AFF2: variants seen among roughly 807,000 people sequenced by gnomAD.
AFF2 encodes the protein AF4/FMR2 family member 2.
In AFF2, 14 loss-of-function variants were observed where a neutral mutation model predicts 76.9. The observed-to-expected ratio is 0.18, with a 90% CI of 0.12 to 0.28. AFF2 has a LOEUF of 0.28. AFF2 is among the 10% of genes least tolerant of loss of function. AFF2 has a pLI of 1.00. For synonymous variants in AFF2, 398 were observed against 366.7 expected, an observed-to-expected ratio of 1.09 and a Z score of -0.98; for missense variants, 868 against 1,001.1, an observed-to-expected ratio of 0.87 and a Z score of 1.79.
chrX:148,629,016 T>A (rs1425348316), intron 1 of AFF2, among the ~76,000 whole-genome samples: 2 of 111,923 alleles, frequency 1.8e-5, no homozygotes, highest in Non-Finnish European at 3.8e-5. Context: ...GTGTATCTCA[T>A]TTTAAAGTAA....
intron 2 of AFF2, among the ~76,000 whole-genome samples, chrX:148,657,374 A>G (rs1013889190): frequency 6.2e-5 from 7 of 112,298 alleles, no homozygotes; most frequent in Non-Finnish European, 1.3e-4. Context: ...ACAAATTACT[A>G]AATCACATGT....
At chrX:148,501,718 T>C (rs1557231897) in intron 1 of AFF2, among the ~76,000 whole-genome samples, 1 of 113,464 alleles carries the variant, frequency 8.8e-6, no homozygotes, top group African/African-American at 3.2e-5. Context: ...GCAGCGGCTT[T>C]GGGGGCCACC....
intron 3 of AFF2, among the ~76,000 whole-genome samples, chrX:148,749,886 T>C (rs781845755): frequency 2.7e-5 from 3 of 111,505 alleles, no homozygotes; most frequent in Non-Finnish European, 5.6e-5. Flanking sequence ...CTTCACCCAC[T>C]GCCTCCTCCT....
intron 3 of AFF2, among the ~76,000 whole-genome samples, chrX:148,722,995 G>A (rs1480583008): frequency 2.7e-5 from 3 of 111,139 alleles, no homozygotes; most frequent in Non-Finnish European, 5.7e-5. Context: ...TTTTTCTCAT[G>A]CTTCATGAGT....
At chrX:148,961,788 A>G (rs1557288044) in intron 12 of AFF2, among the ~76,000 whole-genome samples, 1 of 112,975 alleles carries the variant, frequency 8.9e-6, no homozygotes, top group Non-Finnish European at 1.9e-5. Flanking sequence ...ATTGTAGTCA[A>G]TAATCATGAA....
intron 15 of AFF2, among the ~76,000 whole-genome samples, chrX:148,971,854 T>A (rs1219387381): frequency 4.8e-5 from 2 of 41,562 alleles, no homozygotes; most frequent in Non-Finnish European, 8.4e-5. Flanking sequence ...ACATGTGCCA[T>A]GCTGGTGCGC....
intron 3 of AFF2, among the ~76,000 whole-genome samples, chrX:148,708,629 A>G (rs956354666): frequency 7.1e-5 from 8 of 112,305 alleles, no homozygotes; most frequent in African/African-American, 9.7e-5. Context: ...CAGGAGAATC[A>G]CTTGAACCTG....
At chrX:148,622,356 AAATTCAGGT>A (rs2053878219) in intron 1 of AFF2, among the ~76,000 whole-genome samples, 1 of 111,879 alleles carries the variant, frequency 8.9e-6, no homozygotes, top group African/African-American at 3.2e-5. Flanking sequence ...AAGAGGCTGG[AAATTCAGGT>A]AAGAGTTGAT....
intron 9 of AFF2, among the ~76,000 whole-genome samples, chrX:148,916,693 G>A (rs1557282656): frequency 1.8e-5 from 2 of 111,733 alleles, no homozygotes; most frequent in African/African-American, 6.5e-5. Flanking sequence ...GACCACCGCT[G>A]TATACAAAAT....
intron 7 of AFF2, among the ~76,000 whole-genome samples, chrX:148,851,186 A>T (rs905648404): frequency 8.9e-6 from 1 of 112,099 alleles, no homozygotes; most frequent in Non-Finnish European, 1.9e-5. Context: ...AGAGTTGCTT[A>T]AAGCCCCTCC....
intron 1 of AFF2, among the ~76,000 whole-genome samples, chrX:148,587,928 A>T (rs1384762978): frequency 8.9e-6 from 1 of 112,597 alleles, no homozygotes; most frequent in East Asian, 2.8e-4. Flanking sequence ...TGTCACATGT[A>T]GGTTTGCTGA....
intron 3 of AFF2, among the ~76,000 whole-genome samples, chrX:148,692,195 A>AG (rs2054660795): frequency 8.9e-6 from 1 of 112,077 alleles, no homozygotes; most frequent in East Asian, 2.8e-4. Flanking sequence ...TGAATTTATC[A>AG]GGCTCTTGAA....
At chrX:148,868,024 CTT>C (rs1383814187) in intron 7 of AFF2, among the ~76,000 whole-genome samples, 2 of 111,766 alleles carry the variant, frequency 1.8e-5, no homozygotes, top group African/African-American at 6.5e-5. Flanking sequence ...TACTCACACT[CTT>C]TGCCCCTGAA....
intron 3 of AFF2, among the ~76,000 whole-genome samples, chrX:148,761,201 G>A (rs1450559421): frequency 1.1e-4 from 12 of 112,014 alleles, no homozygotes; most frequent in African/African-American, 3.9e-4. Context: ...ATAGCTGGAC[G>A]AAAGTATGGG....
chrX:148,550,693 G>T (rs1415141301), intron 1 of AFF2, among the ~76,000 whole-genome samples: 1 of 110,989 alleles, frequency 9.0e-6, no homozygotes, highest in African/African-American at 3.3e-5. Context: ...CTTATGATGG[G>T]TTTATCGAGG....
chrX:148,544,428 C>G (rs1557237906), intron 1 of AFF2, among the ~76,000 whole-genome samples: 2 of 111,351 alleles, frequency 1.8e-5, no homozygotes, highest in African/African-American at 6.5e-5. Context: ...CTCTCTCTCT[C>G]TCTCTGTCTC....
intron 1 of AFF2, among the ~76,000 whole-genome samples, chrX:148,645,300 A>G (rs1308882612): frequency 2.7e-5 from 3 of 112,180 alleles, no homozygotes; most frequent in Non-Finnish European, 5.6e-5. Context: ...TTTGATAACT[A>G]TCATATGTAA....
At chrX:148,906,699 T>C (rs782693132) in intron 9 of AFF2, among the ~76,000 whole-genome samples, 1 of 111,515 alleles carries the variant, frequency 9.0e-6, no homozygotes, top group Non-Finnish European at 1.9e-5. Context: ...CTGTTTTCAC[T>C]CTATTAAATC....
intron 15 of AFF2, 55 bp downstream of exon 15, chrX:148,967,747 G>C (rs1483747696): frequency 9.1e-7 from 1 of 1,102,729 alleles, no homozygotes; most frequent in Non-Finnish European, 1.2e-6. Flanking sequence ...TGTTTCAAAG[G>C]AAAACAAAGA....
Sources: allele counts gnomAD v4.1 joint callset (sites outside exome capture counted in the v4.1 genomes callset), GRCh38; gene constraint gnomAD v4.1.1; transcripts MANE v1.5; gene names NCBI Gene and HGNC (gene_info 2026-07-23, HGNC 2026-07-21).